STXBP5L: variants seen among roughly 807,000 people sequenced by gnomAD.
The protein encoded by STXBP5L is syntaxin-binding protein 5-like.
A neutral mutation model predicts 144.5 loss-of-function variants in STXBP5L; 65 were observed. The ratio of observed to expected loss-of-function variants is 0.45; its 90% CI spans 0.37 to 0.55. The LOEUF (loss-of-function observed/expected upper bound fraction) is 0.55. STXBP5L is among the 20% of genes least tolerant of loss of function. The pLI is 0.00. For synonymous variants in STXBP5L, 505 were observed against 469.6 expected (o/e 1.08, Z -0.97); for missense variants, 1,298 against 1,405.5 (o/e 0.92, Z 1.22).
chr3:121,027,109 AT>A (rs1946005549), intron 3 of STXBP5L, among the ~76,000 whole-genome samples: 1 of 151,858 alleles, frequency 6.6e-6, no homozygotes, highest in Non-Finnish European at 1.5e-5. Context: ...GTATATATAT[AT>A]GTGTTTGTAT....
At chr3:120,974,032 T>A (rs1940620543) in intron 3 of STXBP5L, among the ~76,000 whole-genome samples, 1 of 152,138 alleles carries the variant, frequency 6.6e-6, no homozygotes, top group South Asian at 2.1e-4. Flanking sequence ...AGCAGCATGA[T>A]TTATAGTCCT....
At chr3:121,118,460 T>C (rs2044323219) in intron 6 of STXBP5L, among the ~76,000 whole-genome samples, 1 of 151,688 alleles carries the variant, frequency 6.6e-6, no homozygotes, top group African/African-American at 2.4e-5. Context: ...CTGCAGTTTA[T>C]AGTTTGTTGG....
intron 9 of STXBP5L, among the ~76,000 whole-genome samples, chr3:121,187,305 A>C (rs888969289): frequency 3.6e-4 from 54 of 151,800 alleles, no homozygotes; most frequent in African/African-American, 1.2e-3. Context: ...GCAAGGACAA[A>C]AAAACAAACA....
At chr3:121,023,592 TATC>T (rs1945715384) in intron 3 of STXBP5L, among the ~76,000 whole-genome samples, 1 of 151,984 alleles carries the variant, frequency 6.6e-6, no homozygotes, top group African/African-American at 2.4e-5. Flanking sequence ...ACAGCCAACT[TATC>T]TTTGACAAAG....
chr3:121,009,574 C>T (rs866859203), intron 3 of STXBP5L, among the ~76,000 whole-genome samples: 34 of 151,938 alleles, frequency 2.2e-4, no homozygotes, highest in Admixed American at 8.5e-4. Flanking sequence ...ATTTAAAAAG[C>T]GCATTCTTAT....
At chr3:121,253,419 G>C (rs982261271) in intron 15 of STXBP5L, among the ~76,000 whole-genome samples, 2 of 151,364 alleles carry the variant, frequency 1.3e-5, no homozygotes, top group Non-Finnish European at 2.9e-5. Context: ...TTACGCATTT[G>C]AGAGTAAGTT....
intron 3 of STXBP5L, among the ~76,000 whole-genome samples, chr3:120,978,734 C>T (rs1039220251): frequency 6.6e-6 from 1 of 152,120 alleles, no homozygotes; most frequent in African/African-American, 2.4e-5. Context: ...TGTGTATATC[C>T]TTTCTGTTTG....
chr3:121,311,744 T>A (rs945677072), intron 19 of STXBP5L, among the ~76,000 whole-genome samples: 1 of 152,106 alleles, frequency 6.6e-6, no homozygotes, highest in Admixed American at 6.5e-5. Flanking sequence ...GAAGAAGCAA[T>A]ATCGTGAAAA....
At chr3:121,286,219 T>C (rs2051228227) in intron 19 of STXBP5L, among the ~76,000 whole-genome samples, 1 of 151,800 alleles carries the variant, frequency 6.6e-6, no homozygotes, top group South Asian at 2.1e-4. Flanking sequence ...TAACAGATCC[T>C]AAAAACACCT....
intron 3 of STXBP5L, among the ~76,000 whole-genome samples, chr3:121,004,811 T>A (rs993662779): frequency 2.6e-5 from 4 of 152,230 alleles, no homozygotes; most frequent in Admixed American, 6.5e-5. Flanking sequence ...GAGATAATCA[T>A]GTGGGTTTTG....
At chr3:121,113,534 T>C (rs1044978455) in intron 5 of STXBP5L, among the ~76,000 whole-genome samples, 1 of 152,162 alleles carries the variant, frequency 6.6e-6, no homozygotes, top group Non-Finnish European at 1.5e-5. Flanking sequence ...TTTTAATTTT[T>C]TGAATGTAGT....
intron 3 of STXBP5L, among the ~76,000 whole-genome samples, chr3:121,008,449 AG>A (rs2108111377): frequency 6.6e-6 from 1 of 152,154 alleles, no homozygotes; most frequent in South Asian, 2.1e-4. Flanking sequence ...TTTCCAAAAT[AG>A]ACATTGAGAA....
intron 20 of STXBP5L, among the ~76,000 whole-genome samples, chr3:121,353,263 G>C (rs754333094): frequency 6.6e-6 from 1 of 152,166 alleles, no homozygotes; most frequent in Admixed American, 6.5e-5. Context: ...AATGGTAACA[G>C]CTCCTGTTTG....
intron 20 of STXBP5L, among the ~76,000 whole-genome samples, chr3:121,367,732 C>T (rs1408306539): frequency 6.7e-6 from 1 of 148,214 alleles, no homozygotes; most frequent in East Asian, 2.0e-4. Context: ...CCTCAGCTTC[C>T]TGATTAGCTG....
intron 5 of STXBP5L, among the ~76,000 whole-genome samples, chr3:121,097,317 A>G (rs1469194777): frequency 6.6e-6 from 1 of 152,032 alleles, no homozygotes; most frequent in African/African-American, 2.4e-5. Flanking sequence ...AGGGGAGTGA[A>G]CGGTTCTGTC....
At chr3:121,189,821 G>C (rs186703715) in intron 9 of STXBP5L, among the ~76,000 whole-genome samples, 2 of 151,820 alleles carry the variant, frequency 1.3e-5, no homozygotes, top group Admixed American at 1.3e-4. Flanking sequence ...AATAATTTGC[G>C]TGTGAATAAA....
chr3:121,115,055 G>A lies in STXBP5L; in HGVS notation c.601G>A (p.Glu201Lys). The change falls in exon 6 of 27, where the codon GAA becomes AAA. Residue 201 changes from glutamate (E) to lysine (K), a missense_variant. By Grantham distance (56) the Glu-to-Lys change is moderately conservative. Coordinates refer to ENST00000471454, the MANE Select transcript of STXBP5L (RefSeq NM_001308330.2). ...GYVIMWNKAI[E>K]LSTKTHPGPV... ...TGTTATCATGTGGAACAAGGCAATT[G>A]AACTGTAAGTTTGAACTTGGATATC... is the stretch of plus-strand genomic sequence containing the variant. The A allele has an allele frequency of 6.2e-7, 1 of 1,600,064 alleles. No homozygotes were observed. The highest frequency in any genetic ancestry group is 8.5e-7 in the Non-Finnish European group (1 of 1,175,504).
At chr3:121,059,048 A>G (rs1475563689) in intron 5 of STXBP5L, among the ~76,000 whole-genome samples, 2 of 152,206 alleles carry the variant, frequency 1.3e-5, no homozygotes, top group Non-Finnish European at 2.9e-5. Context: ...GTCTTTGCCC[A>G]TGCCTATGTC....
rs542637483 is a variant in STXBP5L, at chr3:121,150,761, T to A, written c.670-1716T>A. ...AGGCTAATGAATCTCCTTGCCAATATCTCCTTGCCAAGAGTCTCATACACT... is the reference window on the plus strand; with the variant it reads ...AGGCTAATGAATCTCCTTGCCAATAACTCCTTGCCAAGAGTCTCATACACT... On this transcript the variant is annotated intron_variant, in intron 7 of 26. Transcript: ENST00000471454. Among the ~76,000 whole-genome samples, 8 of 152,192 alleles carry A rather than the reference T, an allele frequency of 5.3e-5. No individual in the cohort carries two copies. The South Asian group carries it at 1.7e-3, about 32-fold the overall frequency.
Sources: allele counts gnomAD v4.1 joint callset (sites outside exome capture counted in the v4.1 genomes callset), GRCh38; gene constraint gnomAD v4.1.1; transcripts MANE v1.5; gene names NCBI Gene and HGNC (gene_info 2026-07-23, HGNC 2026-07-21).